Variants in LCOR observed in about 807,000 individuals in gnomAD.
LCOR encodes ligand-dependent corepressor.
Under a neutral mutation model 64.4 loss-of-function variants are expected in LCOR, and 14 were observed. The ratio of observed to expected loss-of-function variants is 0.22; its 90% confidence interval spans 0.14 to 0.34. The LOEUF (loss-of-function observed/expected upper bound fraction) is 0.34, where lower values mean the gene tolerates loss of function less well. LCOR is among the 10% of genes least tolerant of loss of function. The pLI is 1.00. For missense variants in LCOR, 1,686 were observed against 1,765.3 expected, an observed-to-expected ratio of 0.96 and a Z score of 0.80; for synonymous variants, 643 against 642.5, an observed-to-expected ratio of 1.00 and a Z score of -0.01.
intron 2 of LCOR, among the ~76,000 whole-genome samples, chr10:96,873,514 A>G (rs1244920400): frequency 2.0e-5 from 3 of 150,692 alleles, no homozygotes; most frequent in Non-Finnish European, 4.4e-5. Flanking sequence ...TCGATTCTAT[A>G]TTTGAATAGA....
chr10:96,964,569 C>A (rs1847929257), intron 7 of LCOR: 1 of 151,864 alleles, frequency 6.6e-6, no homozygotes, highest in South Asian at 2.1e-4. Flanking sequence ...ATGATAAATT[C>A]TTTCTAGATG....
In LCOR at chr10:96,985,124, A is replaced by T. The variant is rs748855551; in HGVS notation, c.4664A>T (p.Asp1555Val). 6.3e-7 allele frequency: 1 copy of T among 1,590,912 alleles called. No homozygotes were observed. ...TCGCACAGCAAACGGAGGCGGCTGG[A>T]TGCAAAGTGATTGGAAAGATGGTAG... ...DCSHSKRRRL[D>V]AK Residue 1555 changes from aspartate to valine, a missense_variant, in exon 8 of 8, where the codon GAT (aspartate) becomes GTT (valine). Transcript: ENST00000421806.
At position 96,982,977 on chromosome 10, in the gene LCOR, C is replaced by A; in HGVS notation, c.2517C>A (p.Ser839=). 6.2e-7 allele frequency: 1 copy of A among 1,612,960 alleles called. No homozygotes were observed. Reference sequence around the variant, plus strand: ...TAAGAAATCAGAGTTCAGATTCTTCCTCAGCTTGTCTTGAAATCAAAGTTC... The same window carrying A: ...TAAGAAATCAGAGTTCAGATTCTTCATCAGCTTGTCTTGAAATCAAAGTTC... ...RCLRNQSSDS[S]SACLEIKVPK... is the part of the protein sequence containing the mutation. Residue 839 remains serine (S), a synonymous_variant, in exon 8 of 8, where the codon TCC becomes TCA. Coordinates refer to ENST00000421806, the MANE Select transcript of LCOR (RefSeq NM_001346516.2).
intron 2 of LCOR, among the ~76,000 whole-genome samples, chr10:96,838,427 A>T (rs1845483454): frequency 6.6e-6 from 1 of 151,956 alleles, no homozygotes; most frequent in African/African-American, 2.4e-5. Context: ...CACCCTCAAA[A>T]CATTTTTATT....
At chr10:96,924,425 A>G (rs1182696633) in intron 4 of LCOR, among the ~76,000 whole-genome samples, 1 of 151,580 alleles carries the variant, frequency 6.6e-6, no homozygotes, top group Non-Finnish European at 1.5e-5. Flanking sequence ...TATTTTTTGT[A>G]GAGATGGGGT....
Position 96,987,284 on chromosome 10 carries a change from T to TTAAACA in LCOR, c.*2151_*2156dup, listed in dbSNP as rs1848156646. 1 of 152,230 alleles carries TTAAACA rather than the reference T, an allele frequency of 6.6e-6. No homozygotes were observed. The highest frequency in any genetic ancestry group is 2.1e-4 in the South Asian group (1 of 4,830). 9.4% of individuals were successfully genotyped at this position (152,230 alleles called of 1,614,324 possible). A position where few individuals can be genotyped will look rare whatever the true frequency, so the allele number is the denominator to read the frequency against. Reference sequence around the variant, plus strand: ...CACTGGATATTGTGTTTGTGGTGACTTAAACAGCTGATGTTTGCCAATGTC... The same window carrying TTAAACA: ...CACTGGATATTGTGTTTGTGGTGACTTAAACATAAACAGCTGATGTTTGCCAATGTC... On this transcript the variant is annotated 3_prime_UTR_variant, in exon 8 of 8. Coordinates refer to ENST00000421806, the MANE Select transcript of LCOR (RefSeq NM_001346516.2).
intron 4 of LCOR, among the ~76,000 whole-genome samples, chr10:96,931,682 A>G (rs544777919): frequency 1.3e-5 from 2 of 152,200 alleles, no homozygotes; most frequent in Admixed American, 6.5e-5. Context: ...AGATAGATGG[A>G]CCTACACTTT....
chr10:96,891,215 C>A (rs1272579623), intron 2 of LCOR, among the ~76,000 whole-genome samples: 1 of 151,694 alleles, frequency 6.6e-6, no homozygotes, highest in Non-Finnish European at 1.5e-5. Context: ...TAGGTCTTTT[C>A]AGTTTTTTAG....
chr10:96,982,993 A>C lies in LCOR; in HGVS notation c.2533A>C (p.Ile845Leu), dbSNP rs3829856. The change falls in exon 8 of 8, where the codon ATC becomes CTC. Residue 845 changes from isoleucine (I) to leucine (L), a missense_variant. By Grantham distance (5) the Ile-to-Leu change is conservative. Around this residue, in one of 3 missense-constraint regions of LCOR, gnomAD observed 1,293 missense variants for 1,410.4 expected, o/e 0.92. Coordinates refer to ENST00000421806, the MANE Select transcript of LCOR (RefSeq NM_001346516.2). ...SSDSSSACLE[I>L]KVPKNPSAKR... Reference sequence around the variant, plus strand: ...AGATTCTTCCTCAGCTTGTCTTGAAATCAAAGTTCCTAAAAATCCTAGTGC... The same window carrying C: ...AGATTCTTCCTCAGCTTGTCTTGAACTCAAAGTTCCTAAAAATCCTAGTGC... 0.063 allele frequency: 102,315 copies of C among 1,613,444 alleles called. 4,177 individuals carry two copies. Among genetic ancestry groups the C allele is most frequent in the East Asian group, 0.22 (9,826 of 44,864 alleles).
intron 7 of LCOR, chr10:96,957,292 C>T (rs919167207): frequency 1.0e-6 from 1 of 985,124 alleles, no homozygotes; most frequent in Non-Finnish European, 1.2e-6. Flanking sequence ...GTTTAGCACA[C>T]AGTTCAGGAC....
At chr10:96,894,319 C>T (rs1017011499) in intron 2 of LCOR, among the ~76,000 whole-genome samples, 2 of 152,098 alleles carry the variant, frequency 1.3e-5, no homozygotes, top group African/African-American at 2.4e-5. Flanking sequence ...CCACGTGATC[C>T]GACCACCTTG....
intron 4 of LCOR, among the ~76,000 whole-genome samples, chr10:96,931,441 G>A (rs539948022): frequency 1.1e-4 from 16 of 151,926 alleles, no homozygotes; most frequent in Middle Eastern, 3.4e-3. Flanking sequence ...TCACCATGTC[G>A]GCCAGGCTGG....
At position 96,991,183 on chromosome 10, in the gene LCOR, C is replaced by G. The variant is rs769752660; in HGVS notation, c.*6049C>G. The G allele has an allele frequency of 6.6e-6, 1 of 151,860 alleles. No individual in the cohort carries two copies. The highest frequency in any genetic ancestry group is 1.5e-5 in the Non-Finnish European group (1 of 67,974). The allele number at this position is 151,860 out of a possible 1,614,324, so 9.4% of individuals were successfully genotyped here. On this transcript the variant is annotated 3_prime_UTR_variant, in exon 8 of 8. Transcript: ENST00000421806. ...AACTTTTTTTTTTCATATGCTCCAA[C>G]ATTTTTTTCATACAGTCCAGCAATT...
intron 2 of LCOR, among the ~76,000 whole-genome samples, chr10:96,848,866 A>G (rs1845676462): frequency 6.6e-6 from 1 of 151,816 alleles, no homozygotes; most frequent in African/African-American, 2.4e-5. Flanking sequence ...TTTTTCATTC[A>G]CCTTTCTTCC....
intron 2 of LCOR, among the ~76,000 whole-genome samples, chr10:96,839,876 C>T (rs940474696): frequency 6.6e-6 from 1 of 152,116 alleles, no homozygotes; most frequent in African/African-American, 2.4e-5. Context: ...TTAGGAAAGA[C>T]AGGGTTTCAC....
At chr10:96,920,664 ATATATG>A (rs1363712359) in intron 4 of LCOR, among the ~76,000 whole-genome samples, 23 of 136,898 alleles carry the variant, frequency 1.7e-4, no homozygotes, top group African/African-American at 5.1e-4. Context: ...GTATATATGT[ATATATG>A]TATATATTCA....
intron 7 of LCOR, among the ~76,000 whole-genome samples, chr10:96,979,355 C>T (rs1338367654): frequency 6.6e-6 from 1 of 152,106 alleles, no homozygotes; most frequent in South Asian, 2.1e-4. Flanking sequence ...TGGAGCACAC[C>T]GACTGCATGG....
At chr10:96,963,393 T>C (rs1428782862) in intron 7 of LCOR, 1 of 152,260 alleles carries the variant, frequency 6.6e-6, no homozygotes, top group African/African-American at 2.4e-5. Context: ...TGGCTCTTGC[T>C]TCTTCACGAT....
intron 2 of LCOR, among the ~76,000 whole-genome samples, chr10:96,903,475 C>T (rs866465390): frequency 6.6e-6 from 1 of 151,938 alleles, no homozygotes; most frequent in Non-Finnish European, 1.5e-5. Flanking sequence ...GATCCAGGGG[C>T]CTTGATGTAA....
Sources: allele counts gnomAD v4.1 joint callset (sites outside exome capture counted in the v4.1 genomes callset), GRCh38; gene constraint gnomAD v4.1.1; regional missense constraint gnomAD v4.1.1; transcripts MANE v1.5; gene names NCBI Gene and HGNC (gene_info 2026-07-23, HGNC 2026-07-21).